Variants in INAVA observed in about 807,000 individuals in gnomAD.
The protein encoded by INAVA is innate immunity activator protein.
Under a neutral mutation model 55.3 loss-of-function variants are expected in INAVA, and 32 were observed. That is an observed-to-expected ratio of 0.58 (90% CI 0.44 to 0.78). The LOEUF (loss-of-function observed/expected upper bound fraction) is 0.78. INAVA is among the 30% of genes least tolerant of loss of function. The pLI is 0.00. For synonymous variants in INAVA, 294 were observed against 329.4 expected (o/e 0.89, Z 1.16); for missense variants, 756 against 786.4 (o/e 0.96, Z 0.46).
Position 200,899,495 on chromosome 1 carries a change from A to G in INAVA, c.78A>G (p.Pro26=), listed in dbSNP as rs767551411. 3.1e-6 allele frequency: 5 copies of G among 1,613,864 alleles called. No homozygotes were observed. Among genetic ancestry groups the G allele is most frequent in the Admixed American group, 1.7e-5 (1 of 59,998 alleles). The change falls in exon 3 of 10, where the codon CCA becomes CCG. Residue 26 remains proline (P), a synonymous_variant. Transcript: ENST00000413687. ...LQSGPDSPVS[P]MKELTHAVHK... is the part of the protein sequence containing the mutation. ...CAGGCCCCGACAGCCCGGTCTCCCC[A>G]ATGAAGGAGCTGACCCATGCAGTGC...
intron 4 of INAVA, among the ~76,000 whole-genome samples, chr1:200,900,673 T>C (rs1359220997): frequency 6.6e-6 from 1 of 152,224 alleles, no homozygotes; most frequent in East Asian, 1.9e-4. Context: ...AGTGTCCCAC[T>C]TGGGTTCCCA....
At chr1:200,893,522 G>A (rs925679279), upstream of INAVA, among the ~76,000 whole-genome samples, 4 of 152,120 alleles carry the variant, frequency 2.6e-5, no homozygotes, top group Admixed American at 6.5e-5. Context: ...GGGGAGGGAC[G>A]GTGTGTCACG....
In INAVA at chr1:200,901,113, G is replaced by C; in HGVS notation, c.474G>C (p.Arg158=). 1 of 1,531,448 alleles carries C rather than the reference G, an allele frequency of 6.5e-7. No individual in the cohort carries two copies. The highest frequency in any genetic ancestry group is 8.7e-7 in the Non-Finnish European group (1 of 1,143,204). 94.9% of individuals were successfully genotyped at this position (1,531,448 alleles called of 1,614,324 possible). A position where few individuals can be genotyped will look rare whatever the true frequency, so the allele number is the denominator to read the frequency against. ...QELQRCLVER[R]RNSEPPPAAA... is the part of the protein sequence containing the mutation. ...TCCAGCGCTGCCTGGTCGAGCGGCG[G>C]CGCAATAGCGAGCCACCTCCGGCTG... Residue 158 remains arginine (R), a synonymous_variant, in exon 5 of 10, where the codon CGG becomes CGC. Coordinates refer to ENST00000413687, the MANE Select transcript of INAVA (RefSeq NM_001142569.3).
At position 200,899,454 on chromosome 1, in the gene INAVA, T is replaced by G. The variant is rs746460187; in HGVS notation, c.56-19T>G. ...TCCATCTTCAGCCTCCCTGAGCATG[T>G]GCCCCCCAACCCTTGCAGGCCCCGA... On this transcript the variant is annotated intron_variant, in intron 2 of 9. Transcript: ENST00000413687. The G allele has an allele frequency of 6.2e-7, 1 of 1,613,412 alleles. No homozygotes were observed. The highest frequency in any genetic ancestry group is 1.1e-5 in the South Asian group (1 of 90,980).
At chr1:200,898,522 T>A in intron 2 of INAVA, 67 bp downstream of exon 2, 1 of 1,550,598 alleles carries the variant, frequency 6.4e-7, no homozygotes, top group Non-Finnish European at 8.8e-7. Flanking sequence ...TGGCCCTGAC[T>A]CCTGAGTCCT....
Position 200,911,986 on chromosome 1 carries a change from C to T in INAVA, c.1493C>T (p.Ala498Val). 6.5e-7 allele frequency: 1 copy of T among 1,529,522 alleles called. No individual in the cohort carries two copies. Among genetic ancestry groups the T allele is most frequent in the East Asian group, 2.5e-5 (1 of 40,808 alleles). The allele number at this position is 1,529,522 out of a possible 1,614,324, so 94.7% of individuals were successfully genotyped here. The change falls in exon 9 of 10, where the codon GCC (alanine) becomes GTC (valine). Residue 498 changes from alanine to valine, a missense_variant. Ala to Val is a moderately conservative substitution (Grantham distance 64). Transcript: ENST00000413687. ...CCGGCAGGCCGGGGGCTCAGCAAGGCCGCCGTGTCCGAGGAGCTCAAGTGG... is the reference window on the plus strand; with the variant it reads ...CCGGCAGGCCGGGGGCTCAGCAAGGTCGCCGTGTCCGAGGAGCTCAAGTGG... Reference protein sequence around the residue: ...DSPAGRGLSKAAVSEELKWWH... With the variant: ...DSPAGRGLSKVAVSEELKWWH...
chr1:200,898,232 G>A, intron 1 of INAVA, 75 bp from the exon 2 acceptor site: 1 of 1,493,288 alleles, frequency 6.7e-7, no homozygotes, highest in South Asian at 1.3e-5. Flanking sequence ...CTGCTCTCAA[G>A]CATCTATTCA....
rs1311235731 is a variant in INAVA, at chr1:200,913,889, C to T, written c.*260C>T. Reference sequence around the variant, plus strand: ...TTGGCCTACTGGACTTAAGGCCTTGCCTGTCTGACTGACAGCCTCTATCTC... The same window carrying T: ...TTGGCCTACTGGACTTAAGGCCTTGTCTGTCTGACTGACAGCCTCTATCTC... On this transcript the variant is annotated 3_prime_UTR_variant, in exon 10 of 10. Transcript: ENST00000413687. 1.3e-5 allele frequency: 6 copies of T among 444,544 alleles called. No homozygotes were observed. Among genetic ancestry groups the T allele is most frequent in the Admixed American group, 3.9e-5 (1 of 25,672 alleles). 27.5% of individuals were successfully genotyped at this position (444,544 alleles called of 1,614,324 possible).
chr1:200,901,965 A>G (rs755316845), intron 5 of INAVA, among the ~76,000 whole-genome samples: 7 of 152,128 alleles, frequency 4.6e-5, no homozygotes, highest in Admixed American at 2.0e-4. Flanking sequence ...GTCCTGACCC[A>G]AGGCCAGCCT....
At chr1:200,893,923 G>T (rs1042326760), upstream of INAVA, among the ~76,000 whole-genome samples, 2 of 151,868 alleles carry the variant, frequency 1.3e-5, no homozygotes, top group Admixed American at 1.3e-4. Context: ...ACTGGAATCT[G>T]GGTCGGGGGA....
chr1:200,899,804 C>A (rs1653155233), intron 3 of INAVA, among the ~76,000 whole-genome samples: 1 of 152,178 alleles, frequency 6.6e-6, no homozygotes, highest in African/African-American at 2.4e-5. Context: ...GGGGCCCAGG[C>A]ACAGAGAACA....
intron 7 of INAVA, 132 bp from the exon 8 acceptor site, chr1:200,909,092 T>A: frequency 7.7e-7 from 1 of 1,297,824 alleles, no homozygotes; most frequent in Non-Finnish European, 1.1e-6. Context: ...GCCTTGATAG[T>A]TCCCCAAGGG....
chr1:200,896,099 C>T (rs1668344866), intron 1 of INAVA, among the ~76,000 whole-genome samples: 1 of 152,114 alleles, frequency 6.6e-6, no homozygotes, highest in Admixed American at 6.5e-5. Flanking sequence ...CCCTCTGTCC[C>T]TGTAAGTCCC....
At position 200,900,921 on chromosome 1, in the gene INAVA, C is replaced by A; in HGVS notation, c.298-16C>A. 1 of 1,533,240 alleles carries A rather than the reference C, an allele frequency of 6.5e-7. No homozygotes were observed. The highest frequency in any genetic ancestry group is 8.8e-7 in the Non-Finnish European group (1 of 1,135,368). 95.0% of individuals were successfully genotyped at this position (1,533,240 alleles called of 1,614,324 possible). A position where few individuals can be genotyped will look rare whatever the true frequency, so the allele number is the denominator to read the frequency against. ...TCCCTGCCTCTCTCTAGCCTCACTCCTGCCCCCTCTCTCAGGACCCCCTAA... is the reference window on the plus strand; with the variant it reads ...TCCCTGCCTCTCTCTAGCCTCACTCATGCCCCCTCTCTCAGGACCCCCTAA... On this transcript the variant is annotated splice_polypyrimidine_tract_variant and intron_variant, in intron 4 of 9. Coordinates refer to ENST00000413687, the MANE Select transcript of INAVA (RefSeq NM_001142569.3).
At chr1:200,902,590 C>G (rs915961730) in intron 5 of INAVA, among the ~76,000 whole-genome samples, 1 of 152,244 alleles carries the variant, frequency 6.6e-6, no homozygotes, top group Non-Finnish European at 1.5e-5. Flanking sequence ...CCTTACTCCA[C>G]TCTCAACAGG....
At chr1:200,891,691 C>T, upstream of INAVA, 1 of 1,476,022 alleles carries the variant, frequency 6.8e-7, no homozygotes, top group Non-Finnish European at 8.9e-7. Flanking sequence ...CGCCAGAGCT[C>T]CATGGGACAG....
At chr1:200,907,949 T>C (rs758767355) in intron 6 of INAVA, 62 bp downstream of exon 6, 37 of 1,426,290 alleles carry the variant, frequency 2.6e-5, no homozygotes, top group South Asian at 8.1e-5. Flanking sequence ...ACCATGGGGT[T>C]TGGGCAGTTT....
At chr1:200,895,235 G>A in intron 1 of INAVA, 148 bp downstream of exon 1, 1 of 637,750 alleles carries the variant, frequency 1.6e-6, no homozygotes, top group Non-Finnish European at 2.0e-6. Flanking sequence ...AGGGGTGCTG[G>A]TGGGCTTGGA....
chr1:200,905,600 A>G (rs55838263), intron 5 of INAVA, among the ~76,000 whole-genome samples: 31,738 of 152,218 alleles, frequency 0.21, 3,749 homozygotes, highest in Non-Finnish European at 0.28. Context: ...AAACTTTTCC[A>G]TAAAGAGCCA....
Sources: gnomAD v4.1 joint callset for allele counts (sites outside exome capture counted in the v4.1 genomes callset) on GRCh38, gnomAD v4.1.1 for gene constraint, MANE v1.5 for transcripts, NCBI Gene and HGNC (gene_info 2026-07-23, HGNC 2026-07-21) for gene names.